Variants in CEP70 observed in about 807,000 individuals in gnomAD.
The protein encoded by CEP70 is centrosomal protein of 70 kDa.
CEP70 carries 70 observed loss-of-function variants against 90.9 expected under a neutral mutation model. The ratio of observed to expected loss-of-function variants is 0.77; its 90% confidence interval spans 0.64 to 0.94. CEP70 has a LOEUF of 0.94. Ranked by LOEUF, CEP70 falls within the 40% of genes least tolerant of loss-of-function variation. CEP70 has a pLI of 0.00. For synonymous variants in CEP70, 220 were observed against 228.3 expected (o/e 0.96, Z 0.33); for missense variants, 648 against 669.0 (o/e 0.97, Z 0.35).
intron 11 of CEP70, among the ~76,000 whole-genome samples, chr3:138,510,775 C>T (rs1187741173): frequency 2.6e-5 from 4 of 152,056 alleles, no homozygotes; most frequent in Admixed American, 6.6e-5. Flanking sequence ...TACCTGAGAC[C>T]TCAGAACCAA....
rs755226099 is a variant in CEP70 at position 138,570,463 on chromosome 3, T to C, written c.320A>G (p.Asn107Ser). Residue 107 changes from asparagine (N) to serine (S), a missense_variant, in exon 6 of 18, where the codon AAT becomes AGT. Transcript: ENST00000264982. Reference sequence around the variant, plus strand: ...CAAGTCATTAGCTCGTTGTTCTTGATTGGCTGCTCGGCTTTGCTCTAGCTG... The same window carrying C: ...CAAGTCATTAGCTCGTTGTTCTTGACTGGCTGCTCGGCTTTGCTCTAGCTG... ...ELQLEQSRAA[N>S]QEQRANDLEQ... 1.9e-6 allele frequency: 3 copies of C among 1,608,936 alleles called. No individual in the cohort carries two copies. Among genetic ancestry groups the C allele is most frequent in the East Asian group, 2.2e-5 (1 of 44,456 alleles).
chr3:138,531,738 T>A (rs2037835605), intron 8 of CEP70: 1 of 145,448 alleles, frequency 6.9e-6, no homozygotes. Flanking sequence ...GTACTACAGA[T>A]AATCAGCAAC....
intron 8 of CEP70, among the ~76,000 whole-genome samples, chr3:138,530,032 T>G (rs570719474): frequency 7.9e-5 from 12 of 152,302 alleles, no homozygotes; most frequent in African/African-American, 2.6e-4. Flanking sequence ...CACATCTACT[T>G]TACAGGACTG....
chr3:138,504,085 A>G (rs771192715), intron 13 of CEP70, among the ~76,000 whole-genome samples: 43 of 152,072 alleles, frequency 2.8e-4, no homozygotes, highest in Non-Finnish European at 4.6e-4. Context: ...CCCTTCTGAG[A>G]TGAAGAAAGG....
rs184782358 is a variant in CEP70, at chr3:138,533,930, G to A, written c.636-1360C>T. Among the ~76,000 whole-genome samples the A allele has an allele frequency of 5.4e-3, 825 of 151,928 alleles. 6 individuals carry two copies. The highest frequency in any genetic ancestry group is 8.0e-3 in the Non-Finnish European group (546 of 67,954). ...CTCCCGAGTAGCTGGGACTACAGGC[G>A]CCTGCCACCACGCCCAGCTAATTTT... On this transcript the variant is annotated intron_variant, in intron 7 of 17. Transcript: ENST00000264982.
intron 7 of CEP70, among the ~76,000 whole-genome samples, chr3:138,534,282 T>C (rs2038081592): frequency 6.6e-6 from 1 of 152,188 alleles, no homozygotes; most frequent in African/African-American, 2.4e-5. Context: ...CTTTCTAGAT[T>C]ACTCTTTTTC....
At chr3:138,528,377 A>C (rs1015620476) in intron 10 of CEP70, among the ~76,000 whole-genome samples, 1 of 152,114 alleles carries the variant, frequency 6.6e-6, no homozygotes, top group Admixed American at 6.6e-5. Flanking sequence ...TGTCTTCTTC[A>C]CTGTGGACTC....
intron 7 of CEP70, among the ~76,000 whole-genome samples, chr3:138,536,282 T>C (rs1456133023): frequency 6.6e-6 from 1 of 151,988 alleles, no homozygotes; most frequent in Non-Finnish European, 1.5e-5. Context: ...AAGGATAGGA[T>C]AGAATAAAGG....
At position 138,495,056 on chromosome 3, in the gene CEP70, T is replaced by A; in HGVS notation, c.1753A>T (p.Ile585Phe). The A allele has an allele frequency of 6.4e-7, 1 of 1,559,046 alleles. No homozygotes were observed. The highest frequency in any genetic ancestry group is 8.8e-7 in the Non-Finnish European group (1 of 1,132,388). The change falls in exon 18 of 18, where the codon ATT becomes TTT. Residue 585 changes from isoleucine to phenylalanine, a missense_variant. Coordinates refer to ENST00000264982, the MANE Select transcript of CEP70 (RefSeq NM_024491.4). ...TTTAATTTCTTTACTGCAGGTACAA[T>A]GGCATCCAAGTCATCAATTTCTGTA... ...EILEIDDLDA[I>F]VPAVKKLKVL... is the part of the protein sequence containing the mutation.
At chr3:138,588,433 A>T (rs1053704533) in intron 2 of CEP70, among the ~76,000 whole-genome samples, 1 of 152,226 alleles carries the variant, frequency 6.6e-6, no homozygotes, top group Admixed American at 6.5e-5. Flanking sequence ...TGGTCAAAAA[A>T]TTTCAATAGA....
At chr3:138,505,610 T>C (rs1250317461) in intron 12 of CEP70, 145 bp from the exon 13 acceptor site, 4 of 483,628 alleles carry the variant, frequency 8.3e-6, no homozygotes, top group Non-Finnish European at 1.3e-5. Flanking sequence ...AGGAATTGGC[T>C]CATGCAATTA....
At chr3:138,534,003 C>T (rs2038055994) in intron 7 of CEP70, among the ~76,000 whole-genome samples, 1 of 152,158 alleles carries the variant, frequency 6.6e-6, no homozygotes, top group Non-Finnish European at 1.5e-5. Flanking sequence ...CCAGGATGGT[C>T]TCGATCTCCT....
At chr3:138,573,578 C>T (rs2041327030) in intron 2 of CEP70, among the ~76,000 whole-genome samples, 1 of 152,064 alleles carries the variant, frequency 6.6e-6, no homozygotes. Flanking sequence ...TGCATCTGCT[C>T]TGTAAAAAAA....
Position 138,570,508 on chromosome 3 carries a change from T to G in CEP70, c.285-10A>C, listed in dbSNP as rs373818687. The G allele has an allele frequency of 1.9e-6, 3 of 1,590,210 alleles. No individual in the cohort carries two copies. Among genetic ancestry groups the G allele is most frequent in the Admixed American group, 1.8e-5 (1 of 54,226 alleles). On this transcript the variant is annotated splice_polypyrimidine_tract_variant and intron_variant, in intron 5 of 17. Transcript: ENST00000264982. ...TAGCTGAAGTTCATTTCTAAGTTAA[T>G]AGACATACAATTTCTTCCCTTAGTA...
rs557925080 is a variant in CEP70 at position 138,537,334 on chromosome 3, T to C, written c.479A>G (p.His160Arg). Residue 160 changes from histidine (H) to arginine (R), a missense_variant, in exon 7 of 18, where the codon CAT becomes CGT. Transcript: ENST00000264982. The part of the protein sequence containing the change: ...EQKTLQVKCQ[H>R]YKKKRTEQEE... ...TTGCTCCGTTCGTTTTTTCTTATAA[T>C]GCTGGCACTTCACCTATAAGATATT... 1.3e-6 allele frequency: 2 copies of C among 1,591,966 alleles called. No homozygotes were observed. Among genetic ancestry groups the C allele is most frequent in the South Asian group, 1.2e-5 (1 of 86,184 alleles).
intron 6 of CEP70, among the ~76,000 whole-genome samples, chr3:138,543,951 CTTTG>C (rs1237568135): frequency 3.9e-5 from 6 of 152,018 alleles, no homozygotes; most frequent in African/African-American, 9.7e-5. Context: ...TTAGTTTTTC[CTTTG>C]TTTGTTTCTA....
At chr3:138,495,368 A>T (rs1049908381) in intron 17 of CEP70, among the ~76,000 whole-genome samples, 23 of 152,180 alleles carry the variant, frequency 1.5e-4, no homozygotes, top group African/African-American at 5.3e-4. Flanking sequence ...AACTGCCCAC[A>T]TGTGTGATAT....
At chr3:138,593,195 A>G (rs941482704) in intron 1 of CEP70, 1 of 152,190 alleles carries the variant, frequency 6.6e-6, no homozygotes, top group African/African-American at 2.4e-5. Flanking sequence ...TGAAACCAAT[A>G]TGGGTAATGC....
rs984899844 is a variant in CEP70, at chr3:138,520,174, T to G, written c.944+5316A>C. Among the ~76,000 whole-genome samples the G allele has an allele frequency of 4.5e-4, 68 of 152,078 alleles. 1 individual carries two copies. Among genetic ancestry groups the G allele is most frequent in the Non-Finnish European group, 1.5e-5 (1 of 68,022 alleles). On this transcript the variant is annotated intron_variant, in intron 11 of 17. Coordinates refer to ENST00000264982, the MANE Select transcript of CEP70 (RefSeq NM_024491.4). ...TGCATCCAATACAGGAGCACCCAGA[T>G]TCATAAAGCAAGTCCTTAGAGACCT... is the stretch of plus-strand genomic sequence containing the variant.
Sources: allele counts gnomAD v4.1 joint callset (sites outside exome capture counted in the v4.1 genomes callset), GRCh38; gene constraint gnomAD v4.1.1; transcripts MANE v1.5; gene names NCBI Gene and HGNC (gene_info 2026-07-23, HGNC 2026-07-21).